Variants in EPC2 observed in about 807,000 individuals in gnomAD.
EPC2 encodes enhancer of polycomb homolog 2.
Under a neutral mutation model 92.1 loss-of-function variants are expected in EPC2, and 14 were observed. The ratio of observed to expected loss-of-function variants is 0.15; its 90% CI spans 0.10 to 0.24. The LOEUF (loss-of-function observed/expected upper bound fraction) is 0.24. EPC2 is among the 10% of genes least tolerant of loss of function. The probability of loss-of-function intolerance (pLI) is 1.00; values close to 1 mark genes in which losing one functional copy is unlikely to be tolerated. For synonymous variants in EPC2, 340 were observed against 334.7 expected (o/e 1.02, Z -0.17); for missense variants, 755 against 971.5 (o/e 0.78, Z 2.96).
rs576201770 is a variant in EPC2 at position 148,735,508 on chromosome 2, T to C, written c.314-8114T>C. On this transcript the variant is annotated intron_variant, in intron 2 of 13. Coordinates refer to ENST00000258484, the MANE Select transcript of EPC2 (RefSeq NM_015630.4). The stretch of plus-strand genomic sequence containing the variant: ...AGAGACTCTTTATATATTCTACATA[T>C]TTATCTTTTTAAAAACTTTTATGGA... Among the ~76,000 whole-genome samples, 6 of 152,114 alleles carry C rather than the reference T, an allele frequency of 3.9e-5. No individual in the cohort carries two copies. The East Asian group carries it at 9.6e-4, about 24-fold the overall frequency.
At chr2:148,690,423 C>G in intron 2 of EPC2, 50 bp downstream of exon 2, 1 of 1,467,386 alleles carries the variant, frequency 6.8e-7, no homozygotes, top group East Asian at 2.4e-5. Context: ...ATTTATCAAC[C>G]AGTGGAAATC....
intron 6 of EPC2, among the ~76,000 whole-genome samples, chr2:148,763,050 T>G (rs1057428888): frequency 1.3e-5 from 2 of 152,158 alleles, no homozygotes; most frequent in African/African-American, 2.4e-5. Context: ...AAGTGGCAGA[T>G]TCAAGGTTTC....
intron 2 of EPC2, among the ~76,000 whole-genome samples, chr2:148,720,279 C>T (rs952187596): frequency 6.6e-6 from 1 of 152,210 alleles, no homozygotes; most frequent in African/African-American, 2.4e-5. Flanking sequence ...CATTTGGACT[C>T]TCCAGGGTCT....
intron 2 of EPC2, among the ~76,000 whole-genome samples, chr2:148,721,514 A>AACC (rs1682373184): frequency 1.3e-5 from 2 of 151,982 alleles, no homozygotes; most frequent in Admixed American, 6.5e-5. Context: ...TCATATGCCT[A>AACC]ACTATAGGGT....
intron 3 of EPC2, among the ~76,000 whole-genome samples, chr2:148,750,215 T>C (rs1425048695): frequency 6.6e-6 from 1 of 152,114 alleles, no homozygotes; most frequent in East Asian, 1.9e-4. Flanking sequence ...GAGGAAGAAA[T>C]GAATTGATAA....
intron 2 of EPC2, among the ~76,000 whole-genome samples, chr2:148,695,632 T>C (rs1681732036): frequency 6.6e-6 from 1 of 152,232 alleles, no homozygotes; most frequent in Non-Finnish European, 1.5e-5. Flanking sequence ...AATTGACCTG[T>C]TCTTTCAGGG....
chr2:148,755,917 G>A (rs1683181446), intron 4 of EPC2, among the ~76,000 whole-genome samples: 2 of 152,184 alleles, frequency 1.3e-5, no homozygotes, highest in Admixed American at 6.5e-5. Flanking sequence ...GTGTCATTAA[G>A]CAATGCATGA....
At chr2:148,683,862 T>A (rs1247067641) in intron 1 of EPC2, among the ~76,000 whole-genome samples, 1 of 152,236 alleles carries the variant, frequency 6.6e-6, no homozygotes, top group Admixed American at 6.5e-5. Context: ...TATAATGATT[T>A]CTTTTCCTTT....
chr2:148,773,254 A>ATTTAT (rs149710967), intron 10 of EPC2, among the ~76,000 whole-genome samples: 2,610 of 152,180 alleles, frequency 0.017, 71 homozygotes, highest in African/African-American at 0.059. Flanking sequence ...TAAAATAAGC[A>ATTTAT]TTTAAACTGT....
At chr2:148,687,582 T>C (rs1320705926) in intron 1 of EPC2, among the ~76,000 whole-genome samples, 1 of 152,238 alleles carries the variant, frequency 6.6e-6, no homozygotes, top group East Asian at 1.9e-4. Flanking sequence ...TATGCTTTCT[T>C]GATTTAACTT....
intron 2 of EPC2, among the ~76,000 whole-genome samples, chr2:148,715,870 CCATTTATTTGT>C (rs1682251065): frequency 1.3e-5 from 2 of 152,202 alleles, no homozygotes; most frequent in Admixed American, 1.3e-4. Context: ...GAATGTTTTT[CCATTTATTTGT>C]GTCCTCTCTG....
At chr2:148,686,768 A>AT (rs1056173499) in intron 1 of EPC2, among the ~76,000 whole-genome samples, 7 of 151,632 alleles carry the variant, frequency 4.6e-5, no homozygotes, top group African/African-American at 1.5e-4. Flanking sequence ...TTTTAAACTA[A>AT]TTTTTTTTTC....
chr2:148,705,220 C>G lies in EPC2; in HGVS notation c.313+14847C>G, dbSNP rs76835393. Among the ~76,000 whole-genome samples, 785 of 152,048 alleles carry G rather than the reference C, an allele frequency of 5.2e-3. 12 individuals are homozygous for G. The highest frequency in any genetic ancestry group is 0.043 in the South Asian group (206 of 4,806). On this transcript the variant is annotated intron_variant, in intron 2 of 13. Transcript: ENST00000258484. ...GAACTGGCCAAACAGTACATCTGGCCTTAGGGCTGTCTATAGATTCTAACT... is the reference window on the plus strand; with the variant it reads ...GAACTGGCCAAACAGTACATCTGGCGTTAGGGCTGTCTATAGATTCTAACT...
At chr2:148,647,482 A>G (rs1683826687) in intron 1 of EPC2, among the ~76,000 whole-genome samples, 2 of 151,380 alleles carry the variant, frequency 1.3e-5, no homozygotes, top group African/African-American at 4.9e-5. Flanking sequence ...TAATTTTTGT[A>G]TTTTTAGTAG....
intron 1 of EPC2, among the ~76,000 whole-genome samples, chr2:148,658,195 G>C (rs1012037656): frequency 6.6e-6 from 1 of 151,902 alleles, no homozygotes; most frequent in African/African-American, 2.4e-5. Flanking sequence ...ACTCACAGCC[G>C]GCAGCATTGT....
chr2:148,721,510 G>A (rs1408076780), intron 2 of EPC2, among the ~76,000 whole-genome samples: 1 of 151,860 alleles, frequency 6.6e-6, no homozygotes. Flanking sequence ...AATATCATAT[G>A]CCTAACTATA....
chr2:148,754,332 C>A (rs1057448633), intron 4 of EPC2, among the ~76,000 whole-genome samples, 199 bp downstream of exon 4: 2 of 152,158 alleles, frequency 1.3e-5, no homozygotes, highest in Admixed American at 1.3e-4. Flanking sequence ...AGAAATCCTA[C>A]TTTTCAGTAG....
At chr2:148,786,213 T>A in intron 13 of EPC2, 92 bp from the exon 14 acceptor site, 1 of 1,059,592 alleles carries the variant, frequency 9.4e-7, no homozygotes, top group Non-Finnish European at 1.4e-6. Context: ...TTAGTTGTAA[T>A]TATGTAACAA....
chr2:148,752,743 G>A (rs1008029698), intron 3 of EPC2, among the ~76,000 whole-genome samples: 3 of 152,094 alleles, frequency 2.0e-5, no homozygotes, highest in Non-Finnish European at 4.4e-5. Flanking sequence ...AATCATCATA[G>A]GACTTGAAGT....
Sources: allele counts gnomAD v4.1 joint callset (sites outside exome capture counted in the v4.1 genomes callset), GRCh38; gene constraint gnomAD v4.1.1; transcripts MANE v1.5; gene names NCBI Gene and HGNC (gene_info 2026-07-23, HGNC 2026-07-21).